Variants in C3orf33 observed in about 807,000 individuals in gnomAD.
C3orf33 encodes AP-1 activity suppressor.
Under a neutral mutation model 28.7 loss-of-function variants are expected in C3orf33, and 23 were observed. The observed-to-expected ratio is 0.80, with a 90% CI of 0.58 to 1.13. The LOEUF (loss-of-function observed/expected upper bound fraction) is 1.13, where lower values mean the gene tolerates loss of function less well. Ranked by LOEUF, C3orf33 falls within the 50% of genes most tolerant of loss-of-function variation. The probability of loss-of-function intolerance (pLI) is 0.00; values close to 1 mark genes in which losing one functional copy is unlikely to be tolerated. For synonymous variants in C3orf33, 119 were observed against 120.5 expected (o/e 0.99, Z 0.08); for missense variants, 327 against 353.4 (o/e 0.93, Z 0.60).
At chr3:155,801,886 G>A (rs1029868909) in intron 2 of C3orf33, among the ~76,000 whole-genome samples, 2 of 152,072 alleles carry the variant, frequency 1.3e-5, no homozygotes, top group Admixed American at 6.6e-5. Flanking sequence ...GAGTAGCTGG[G>A]ATTACAGGTG....
At chr3:155,790,778 C>T (rs1751291813) in intron 2 of C3orf33, among the ~76,000 whole-genome samples, 1 of 152,152 alleles carries the variant, frequency 6.6e-6, no homozygotes, top group Admixed American at 6.6e-5. Flanking sequence ...TAGACCAGCC[C>T]TAGCCAGAAG....
At chr3:155,793,764 C>G (rs1340057328) in intron 2 of C3orf33, among the ~76,000 whole-genome samples, 1 of 138,030 alleles carries the variant, frequency 7.2e-6, no homozygotes, top group Non-Finnish European at 1.5e-5. Flanking sequence ...GAGCCGAGAT[C>G]GCACCACTGC....
chr3:155,766,457 G>A (rs973851281), intron 4 of C3orf33, among the ~76,000 whole-genome samples: 6 of 152,202 alleles, frequency 3.9e-5, no homozygotes, highest in Non-Finnish European at 8.8e-5. Flanking sequence ...ACAGTTCAAA[G>A]ATTTATACAC....
At chr3:155,779,995 G>T (rs1173360321) in intron 2 of C3orf33, among the ~76,000 whole-genome samples, 1 of 152,174 alleles carries the variant, frequency 6.6e-6, no homozygotes, top group Non-Finnish European at 1.5e-5. Context: ...CTGTGCTTCT[G>T]TAACACAGCA....
intron 4 of C3orf33, among the ~76,000 whole-genome samples, chr3:155,766,184 G>A (rs1224377000): frequency 6.6e-6 from 1 of 152,120 alleles, no homozygotes; most frequent in African/African-American, 2.4e-5. Context: ...ACAAGCGACT[G>A]TACCCTCATA....
At position 155,794,352 on chromosome 3, in the gene C3orf33, C is replaced by T. The variant is rs556809433; in HGVS notation, c.174+8180G>A. Among the ~76,000 whole-genome samples the T allele has an allele frequency of 9.2e-5, 14 of 152,038 alleles. No homozygotes were observed. The East Asian group carries it at 2.5e-3, about 27-fold the overall frequency. On this transcript the variant is annotated intron_variant, in intron 2 of 4. Coordinates refer to ENST00000340171, the MANE Select transcript of C3orf33 (RefSeq NM_001308229.2). The stretch of plus-strand genomic sequence containing the variant: ...CAGGTGATAAGATATTTGCAAGCCT[C>T]ATGGTAACCTCCAATCAAAGAACAT...
At chr3:155,775,663 C>T in intron 3 of C3orf33, 38 bp downstream of exon 3, 1 of 1,358,120 alleles carries the variant, frequency 7.4e-7, no homozygotes, top group Non-Finnish European at 1.0e-6. Flanking sequence ...AAAAGAAGAC[C>T]ACAATAGTTA....
intron 3 of C3orf33, among the ~76,000 whole-genome samples, chr3:155,772,134 G>A (rs771134008): frequency 6.6e-6 from 1 of 152,208 alleles, no homozygotes; most frequent in Non-Finnish European, 1.5e-5. Context: ...CAGCTTGAAA[G>A]GAGGAGGCTG....
At chr3:155,784,465 C>T (rs990686670) in intron 2 of C3orf33, among the ~76,000 whole-genome samples, 12 of 151,928 alleles carry the variant, frequency 7.9e-5, no homozygotes, top group Middle Eastern at 3.2e-3. Context: ...TTCAGCTGGG[C>T]GTGGTGGCTC....
chr3:155,790,821 G>A (rs1387168948), intron 2 of C3orf33, among the ~76,000 whole-genome samples: 1 of 152,184 alleles, frequency 6.6e-6, no homozygotes, highest in African/African-American at 2.4e-5. Flanking sequence ...ACAACCTGAG[G>A]TCCTTCAAGC....
At chr3:155,804,933 A>T (rs1026779228) in intron 1 of C3orf33, among the ~76,000 whole-genome samples, 1 of 152,148 alleles carries the variant, frequency 6.6e-6, no homozygotes, top group African/African-American at 2.4e-5. Flanking sequence ...GCACATCTCC[A>T]TGTACGTGTC....
At chr3:155,794,767 T>C (rs1014546807) in intron 2 of C3orf33, among the ~76,000 whole-genome samples, 3 of 152,092 alleles carry the variant, frequency 2.0e-5, no homozygotes, top group African/African-American at 7.2e-5. Context: ...AAATAGATTT[T>C]AAGATAAAAT....
chr3:155,799,546 G>A (rs1326657601), intron 2 of C3orf33, among the ~76,000 whole-genome samples: 2 of 152,008 alleles, frequency 1.3e-5, no homozygotes, highest in South Asian at 2.1e-4. Context: ...AAAATTAGCT[G>A]GGCATGGTGG....
rs908863925 is a variant in C3orf33, at chr3:155,762,853, G to C, written c.*664C>G. On this transcript the variant is annotated 3_prime_UTR_variant, in exon 5 of 5. Coordinates refer to ENST00000340171, the MANE Select transcript of C3orf33 (RefSeq NM_001308229.2). ...CACTGCACTCCTGCCTGGGTGACAA[G>C]AGCGAAACTCCATGTCAAAACAAAA... 6.6e-6 allele frequency: 1 copy of C among 151,966 alleles called. No individual in the cohort carries two copies. The highest frequency in any genetic ancestry group is 1.5e-5 in the Non-Finnish European group (1 of 68,010). The allele number at this position is 151,966 out of a possible 1,614,324, so 9.4% of individuals were successfully genotyped here.
At chr3:155,789,558 T>C (rs1202929458) in intron 2 of C3orf33, among the ~76,000 whole-genome samples, 1 of 151,944 alleles carries the variant, frequency 6.6e-6, no homozygotes, top group Non-Finnish European at 1.5e-5. Context: ...TATCTATAGA[T>C]TCAATACAAT....
intron 2 of C3orf33, among the ~76,000 whole-genome samples, chr3:155,799,367 C>G (rs1231597471): frequency 3.3e-5 from 5 of 152,110 alleles, no homozygotes; most frequent in Non-Finnish European, 7.4e-5. Flanking sequence ...TGGAAGCAAC[C>G]TAAGTGTCCA....
In C3orf33 at chr3:155,775,987, T is replaced by C. The variant is rs147704839; in HGVS notation, c.175-139A>G. ...AATTTAGTTCCTAATTTTATATTAC[T>C]TTAATATGATTTAATCAAAAGTGTT... On this transcript the variant is annotated intron_variant, in intron 2 of 4. Coordinates refer to ENST00000340171, the MANE Select transcript of C3orf33 (RefSeq NM_001308229.2). 805 of 575,730 alleles carry C rather than the reference T, an allele frequency of 1.4e-3. 6 individuals are homozygous for C. The highest frequency in any genetic ancestry group is 0.013 in the African/African-American group (692 of 51,630). The allele number at this position is 575,730 out of a possible 1,614,324, so 35.7% of individuals were successfully genotyped here.
chr3:155,800,641 A>AAAAAAAAAAAC (rs1751619794), intron 2 of C3orf33, among the ~76,000 whole-genome samples: 2 of 137,120 alleles, frequency 1.5e-5, no homozygotes, highest in Non-Finnish European at 3.2e-5. Context: ...AAAAAAAAAA[A>AAAAAAAAAAAC]GGCAACATAC....
intron 1 of C3orf33, chr3:155,805,577 G>T (rs927065016): frequency 4.8e-5 from 17 of 355,574 alleles, no homozygotes; most frequent in Non-Finnish European, 8.6e-5. Context: ...GAAAGTAGTC[G>T]ATGGGGTAGC....
Sources: gnomAD v4.1 joint callset for allele counts (sites outside exome capture counted in the v4.1 genomes callset) on GRCh38, gnomAD v4.1.1 for gene constraint, MANE v1.5 for transcripts, NCBI Gene and HGNC (gene_info 2026-07-23, HGNC 2026-07-21) for gene names.